Variants in ZNF383 observed in about 807,000 individuals in gnomAD.
The protein encoded by ZNF383 is zinc finger protein 383.
In ZNF383, 32 loss-of-function variants were observed where a neutral mutation model predicts 44.2. The ratio of observed to expected loss-of-function variants is 0.72; its 90% CI spans 0.55 to 0.97. The LOEUF is 0.97. Ranked by LOEUF, ZNF383 falls within the 50% of genes least tolerant of loss-of-function variation. ZNF383 has a pLI of 0.00. For synonymous variants in ZNF383, 155 were observed against 186.2 expected, an observed-to-expected ratio of 0.83 and a Z score of 1.36; for missense variants, 487 against 562.5, an observed-to-expected ratio of 0.87 and a Z score of 1.36.
At chr19:37,240,547 T>C (rs1974034525) in intron 5 of ZNF383, among the ~76,000 whole-genome samples, 1 of 152,234 alleles carries the variant, frequency 6.6e-6, no homozygotes, top group African/African-American at 2.4e-5. Context: ...TATGTTGTAC[T>C]GTGTCTTAGT....
At position 37,235,284 on chromosome 19, in the gene ZNF383, A is replaced by AAAAAG. The variant is rs1274205859; in HGVS notation, c.10-256_10-252dup. Among the ~76,000 whole-genome samples, 3 of 151,876 alleles carry AAAAAG rather than the reference A, an allele frequency of 2.0e-5. No individual in the cohort carries two copies. The East Asian group carries it at 5.8e-4, about 29-fold the overall frequency. ...GCGAATTTCTGTCTCAAAAAAAAAA[A>AAAAAG]AAAAGAAAAGAAATCACAATCTAGA... On this transcript the variant is annotated intron_variant, in intron 3 of 5. Transcript: ENST00000684119.
rs1312931546 is a variant in ZNF383, at chr19:37,243,027, G to GT, written c.793dup (p.Tyr265LeufsTer7). 1 of 1,613,454 alleles carries GT rather than the reference G, an allele frequency of 6.2e-7. No homozygotes were observed. Among genetic ancestry groups the GT allele is most frequent in the Admixed American group, 1.7e-5 (1 of 59,946 alleles). On this transcript the variant is annotated frameshift_variant, in exon 6 of 6. Transcript: ENST00000684119. LOFTEE classifies it high-confidence loss of function. Reference sequence around the variant, plus strand: ...TGTAAGGAATGTGGGAAGGCCTTTAGTTATTGCTCAAATCTTATTGACCAT... The same window carrying GT: ...TGTAAGGAATGTGGGAAGGCCTTTAGTTTATTGCTCAAATCTTATTGACCAT...
At chr19:37,241,833 G>A in intron 5 of ZNF383, among the ~76,000 whole-genome samples, 1 of 151,390 alleles carries the variant, frequency 6.6e-6, no homozygotes, top group East Asian at 1.9e-4. Context: ...ATTTCTCTCA[G>A]GAGACCTTTA....
intron 2 of ZNF383, among the ~76,000 whole-genome samples, chr19:37,225,517 C>G (rs1225432977): frequency 6.6e-6 from 1 of 152,118 alleles, no homozygotes; most frequent in Non-Finnish European, 1.5e-5. Flanking sequence ...TTCCCTCTTT[C>G]CCCAGCCCCT....
intron 5 of ZNF383, among the ~76,000 whole-genome samples, chr19:37,240,802 C>T (rs1048147409): frequency 1.3e-5 from 2 of 152,026 alleles, no homozygotes; most frequent in Non-Finnish European, 2.9e-5. Flanking sequence ...CCGCTGTTAC[C>T]AATTCCTTTT....
At chr19:37,219,791 G>T (rs959882876) in intron 1 of ZNF383, 1 of 152,130 alleles carries the variant, frequency 6.6e-6, no homozygotes, top group Non-Finnish European at 1.5e-5. Flanking sequence ...CTGGATAGTC[G>T]TGGTTAACAT....
At chr19:37,235,896 G>A in intron 4 of ZNF383, 83 bp from the exon 5 acceptor site, 1 of 1,300,134 alleles carries the variant, frequency 7.7e-7, no homozygotes, top group South Asian at 1.4e-5. Flanking sequence ...TTCCTGTAGT[G>A]GCATCTCTTC....
At chr19:37,224,363 A>G (rs966858916) in intron 1 of ZNF383, among the ~76,000 whole-genome samples, 3 of 152,176 alleles carry the variant, frequency 2.0e-5, no homozygotes, top group Admixed American at 6.6e-5. Context: ...AAAAATTGCC[A>G]ATATCTGATA....
At chr19:37,235,839 C>G in intron 4 of ZNF383, 140 bp from the exon 5 acceptor site, 1 of 1,205,208 alleles carries the variant, frequency 8.3e-7, no homozygotes, top group Non-Finnish European at 1.2e-6. Flanking sequence ...AAATTGGCAA[C>G]TCCAGTGGGC....
chr19:37,223,992 C>T (rs1973042697), intron 1 of ZNF383, among the ~76,000 whole-genome samples: 1 of 151,928 alleles, frequency 6.6e-6, no homozygotes, highest in Admixed American at 6.6e-5. Flanking sequence ...CAAGATCGCG[C>T]CACTGCACTC....
At position 37,248,385 on chromosome 19, in the gene ZNF383, T is replaced by C. The variant is rs1974441068; in HGVS notation, c.*4721T>C. 6.6e-6 allele frequency: 1 copy of C among 152,214 alleles called. No homozygotes were observed. Among genetic ancestry groups the C allele is most frequent in the Non-Finnish European group, 1.5e-5 (1 of 68,026 alleles). 9.4% of individuals were successfully genotyped at this position (152,214 alleles called of 1,614,324 possible). On this transcript the variant is annotated 3_prime_UTR_variant, in exon 6 of 6. Coordinates refer to ENST00000684119, the MANE Select transcript of ZNF383 (RefSeq NM_001387601.1). ...GTTATGAAAATACAGCATTATAAATTAGCAAATCAAATCTAGTAACCCATT... is the reference window on the plus strand; with the variant it reads ...GTTATGAAAATACAGCATTATAAATCAGCAAATCAAATCTAGTAACCCATT...
rs1458031393 is a variant in ZNF383, at chr19:37,218,259, CGGCTGGGG to C, written c.-182_-175del. 4.6e-5 allele frequency: 7 copies of C among 152,514 alleles called. No homozygotes were observed. The highest frequency in any genetic ancestry group is 7.2e-5 in the African/African-American group (3 of 41,402). 9.4% of individuals were successfully genotyped at this position (152,514 alleles called of 1,614,324 possible). ...GTGAGCGGCCTGGGTCTTGCAGGCT[CGGCTGGGG>C]CCCGCAGGTACGTGCATGGGAGTTT... On this transcript the variant is annotated 5_prime_UTR_variant, in exon 1 of 6. Transcript: ENST00000684119.
rs1973429408 is a variant in ZNF383, at chr19:37,230,423, G to A, written c.-31G>A. 1.2e-6 allele frequency: 2 copies of A among 1,612,432 alleles called. No homozygotes were observed. The highest frequency in any genetic ancestry group is 4.5e-5 in the East Asian group (2 of 44,846). On this transcript the variant is annotated 5_prime_UTR_variant, in exon 3 of 6. Coordinates refer to ENST00000684119, the MANE Select transcript of ZNF383 (RefSeq NM_001387601.1). Reference sequence around the variant, plus strand: ...TCCTTTTTCAGGAGAACGGCCTCAAGGAAGACTAACCATCTGCAATACTAG... The same window carrying A: ...TCCTTTTTCAGGAGAACGGCCTCAAAGAAGACTAACCATCTGCAATACTAG...
At chr19:37,227,584 G>T in intron 2 of ZNF383, 1 of 152,594 alleles carries the variant, frequency 6.6e-6, no homozygotes, top group South Asian at 1.9e-4. Context: ...TAGAAATAAA[G>T]ACCCAAGACA....
Position 37,243,080 on chromosome 19 carries a change from T to G in ZNF383, c.844T>G (p.Tyr282Asp). ...HQRIHTGEKPYECKVCGKAFT... is the reference protein window; with the variant it reads ...HQRIHTGEKPDECKVCGKAFT... ...GCGAATTCACACTGGTGAAAAACCT[T>G]ATGAATGTAAAGTATGTGGGAAAGC... Residue 282 changes from tyrosine (Y) to aspartate (D), a missense_variant, in exon 6 of 6, where the codon TAT becomes GAT. Transcript: ENST00000684119. 6.2e-7 allele frequency: 1 copy of G among 1,614,074 alleles called. No homozygotes were observed. Among genetic ancestry groups the G allele is most frequent in the Non-Finnish European group, 8.5e-7 (1 of 1,180,024 alleles).
chr19:37,233,380 C>G (rs1294930218), intron 3 of ZNF383, among the ~76,000 whole-genome samples: 1 of 151,274 alleles, frequency 6.6e-6, no homozygotes, highest in Non-Finnish European at 1.5e-5. Context: ...ATCTGCCTGC[C>G]TTGGCCTCCC....
At chr19:37,231,885 A>G (rs1973503492) in intron 3 of ZNF383, among the ~76,000 whole-genome samples, 1 of 152,134 alleles carries the variant, frequency 6.6e-6, no homozygotes, top group Admixed American at 6.6e-5. Flanking sequence ...AAAGGAGAAA[A>G]ACTGATGGCC....
Position 37,244,193 on chromosome 19 carries a change from C to T in ZNF383, c.*529C>T, listed in dbSNP as rs1355299656. 2.0e-5 allele frequency: 3 copies of T among 149,886 alleles called. No homozygotes were observed. Among genetic ancestry groups the T allele is most frequent in the Non-Finnish European group, 4.4e-5 (3 of 67,654 alleles). 9.3% of individuals were successfully genotyped at this position (149,886 alleles called of 1,614,324 possible). On this transcript the variant is annotated 3_prime_UTR_variant, in exon 6 of 6. Transcript: ENST00000684119. ...CCACCTCCCGGCTTCAAGCAATTCT[C>T]CTGCCTCAGACTCCTGAGTAGCTGG...
intron 2 of ZNF383, among the ~76,000 whole-genome samples, chr19:37,225,992 G>A (rs1330907533): frequency 2.0e-5 from 3 of 150,676 alleles, no homozygotes; most frequent in African/African-American, 4.9e-5. Flanking sequence ...GTAGAGACGG[G>A]GTTTCACCAT....
Sources: allele counts gnomAD v4.1 joint callset (sites outside exome capture counted in the v4.1 genomes callset), GRCh38; gene constraint gnomAD v4.1.1; transcripts MANE v1.5; gene names NCBI Gene and HGNC (gene_info 2026-07-23, HGNC 2026-07-21).